PCDH9: variants seen among roughly 807,000 people sequenced by gnomAD.
PCDH9 encodes protocadherin-9.
PCDH9 carries 24 observed loss-of-function variants against 70.6 expected under a neutral mutation model. The observed-to-expected ratio is 0.34, with a 90% CI of 0.25 to 0.48. The LOEUF (loss-of-function observed/expected upper bound fraction) is 0.48, where lower values mean the gene tolerates loss of function less well. Among genes scored for constraint, PCDH9 ranks in the 20% least tolerant of loss-of-function variants. The pLI is 0.99. For missense variants in PCDH9, 1,281 were observed against 1,503.6 expected, an observed-to-expected ratio of 0.85 and a Z score of 2.45; for synonymous variants, 562 against 558.5, an observed-to-expected ratio of 1.01 and a Z score of -0.09.
At chr13:66,754,691 A>G (rs570126644) in intron 3 of PCDH9, among the ~76,000 whole-genome samples, 3 of 152,216 alleles carry the variant, frequency 2.0e-5, no homozygotes, top group African/African-American at 7.2e-5. Flanking sequence ...TGAAACTGGT[A>G]TAAATAGAAA....
intron 4 of PCDH9, among the ~76,000 whole-genome samples, chr13:66,356,668 C>A (rs1296404362): frequency 6.6e-6 from 1 of 152,032 alleles, no homozygotes; most frequent in African/African-American, 2.4e-5. Context: ...AGGACCATCA[C>A]AACAACTGCA....
At chr13:66,527,786 G>A (rs1960278829) in intron 4 of PCDH9, among the ~76,000 whole-genome samples, 1 of 152,162 alleles carries the variant, frequency 6.6e-6, no homozygotes, top group Non-Finnish European at 1.5e-5. Context: ...GGGAGGCCAA[G>A]GCGGGCAGAT....
chr13:67,195,529 T>G (rs1410988810), intron 2 of PCDH9, among the ~76,000 whole-genome samples: 2 of 152,156 alleles, frequency 1.3e-5, no homozygotes, highest in Non-Finnish European at 2.9e-5. Flanking sequence ...ATAAAAATAA[T>G]TCGTTACTCT....
At chr13:66,356,621 CA>C (rs1392990646) in intron 4 of PCDH9, among the ~76,000 whole-genome samples, 1 of 151,862 alleles carries the variant, frequency 6.6e-6, no homozygotes, top group African/African-American at 2.4e-5. Context: ...ACACAAAAGG[CA>C]AGTGAAACAA....
intron 4 of PCDH9, among the ~76,000 whole-genome samples, chr13:66,611,919 G>A (rs186051656): frequency 9.2e-5 from 14 of 152,246 alleles, no homozygotes; most frequent in South Asian, 8.3e-4. Flanking sequence ...TATGTAGCTG[G>A]CAAATAGAAG....
chr13:66,919,159 T>C (rs1206977026), intron 2 of PCDH9, among the ~76,000 whole-genome samples: 2 of 151,284 alleles, frequency 1.3e-5, no homozygotes, highest in Non-Finnish European at 3.0e-5. Flanking sequence ...GGGAACTTCA[T>C]ACAATTCTGT....
intron 3 of PCDH9, among the ~76,000 whole-genome samples, chr13:66,757,587 C>T (rs2079556309): frequency 6.6e-6 from 1 of 151,910 alleles, no homozygotes; most frequent in Non-Finnish European, 1.5e-5. Context: ...ATCTACTTTT[C>T]AGAATGTAGG....
intron 4 of PCDH9, among the ~76,000 whole-genome samples, chr13:66,491,385 T>TTGTGTGTGTGTGTG (rs71106974): frequency 0.083 from 11,298 of 135,968 alleles, 700 homozygotes; most frequent in East Asian, 0.15. Context: ...GCAGGAGATA[T>TTGTGTGTGTGTGTG]TGTGTGTGTG....
In PCDH9 at chr13:66,982,285, T is replaced by C. The variant is rs921836739; in HGVS notation, c.3037-78680A>G. Among the ~76,000 whole-genome samples, 3 of 152,224 alleles carry C rather than the reference T, an allele frequency of 2.0e-5. No homozygotes were observed. In the East Asian group the frequency reaches 5.8e-4, roughly 29 times the overall value. On this transcript the variant is annotated intron_variant, in intron 2 of 4. Transcript: ENST00000377865. Reference sequence around the variant, plus strand: ...GCTTGAGCCAGTTAAACCTCTTTTCTTTATAAATTACCCAGTCTCAGGTAT... The same window carrying C: ...GCTTGAGCCAGTTAAACCTCTTTTCCTTATAAATTACCCAGTCTCAGGTAT...
At chr13:66,673,319 C>T (rs2078202398) in intron 3 of PCDH9, among the ~76,000 whole-genome samples, 1 of 152,156 alleles carries the variant, frequency 6.6e-6, no homozygotes, top group Admixed American at 6.5e-5. Context: ...CGCCTTTGCT[C>T]CTCCTTCGTT....
At chr13:66,832,458 C>G (rs1167601860) in intron 3 of PCDH9, among the ~76,000 whole-genome samples, 1 of 151,794 alleles carries the variant, frequency 6.6e-6, no homozygotes, top group East Asian at 1.9e-4. Flanking sequence ...GACATTTATG[C>G]AAAATCAAAT....
In PCDH9 at chr13:66,532,165, T is replaced by C. The variant is rs1385279127; in HGVS notation, c.3340+99045A>G. Among the ~76,000 whole-genome samples the C allele has an allele frequency of 2.8e-5, 4 of 140,782 alleles. No individual in the cohort carries two copies. The East Asian group carries it at 8.9e-4, about 31-fold the overall frequency. 92.4% of individuals were successfully genotyped at this position (140,782 alleles called of 152,430 possible). Reference sequence around the variant, plus strand: ...ACCACCATGTCCAGCTATTTTTTAGTGGTTTTTTTTTTTTCTTTTGTAGAG... The same window carrying C: ...ACCACCATGTCCAGCTATTTTTTAGCGGTTTTTTTTTTTTCTTTTGTAGAG... On this transcript the variant is annotated intron_variant, in intron 4 of 4. Coordinates refer to ENST00000377865, the MANE Select transcript of PCDH9 (RefSeq NM_203487.3).
At chr13:67,047,023 C>A (rs765875260) in intron 2 of PCDH9, among the ~76,000 whole-genome samples, 2 of 152,008 alleles carry the variant, frequency 1.3e-5, no homozygotes, top group Non-Finnish European at 1.5e-5. Flanking sequence ...GCCATTATGC[C>A]TGCATAGTAA....
intron 4 of PCDH9, among the ~76,000 whole-genome samples, chr13:66,428,183 A>G (rs1417970810): frequency 1.3e-5 from 2 of 151,754 alleles, no homozygotes; most frequent in Non-Finnish European, 3.0e-5. Context: ...TCAGTTTTCT[A>G]TAAATCTTTT....
At chr13:66,396,653 T>C (rs1393689161) in intron 4 of PCDH9, among the ~76,000 whole-genome samples, 1 of 152,130 alleles carries the variant, frequency 6.6e-6, no homozygotes, top group African/African-American at 2.4e-5. Flanking sequence ...CAGTGGGACA[T>C]GGGATATAGT....
chr13:67,214,695 AT>A (rs1295358082), intron 2 of PCDH9: 1 of 151,946 alleles, frequency 6.6e-6, no homozygotes, highest in Admixed American at 6.6e-5. Flanking sequence ...ATGAAGATCA[AT>A]TTTCCAAAAG....
intron 4 of PCDH9, among the ~76,000 whole-genome samples, chr13:66,372,047 T>A (rs1293284911): frequency 6.6e-6 from 1 of 152,060 alleles, no homozygotes; most frequent in Non-Finnish European, 1.5e-5. Context: ...TTAATACTTA[T>A]GTTAATTTAT....
intron 2 of PCDH9, among the ~76,000 whole-genome samples, chr13:66,943,048 A>T (rs2083030853): frequency 6.6e-6 from 1 of 152,024 alleles, no homozygotes; most frequent in Admixed American, 6.6e-5. Flanking sequence ...GAGCATTATG[A>T]CTCATTTACT....
At chr13:66,661,090 T>G (rs1233120370) in intron 3 of PCDH9, among the ~76,000 whole-genome samples, 1 of 152,246 alleles carries the variant, frequency 6.6e-6, no homozygotes, top group African/African-American at 2.4e-5. Context: ...TCCCATTTTA[T>G]TTTCTTTTTA....
Sources: allele counts gnomAD v4.1 joint callset (sites outside exome capture counted in the v4.1 genomes callset), GRCh38; gene constraint gnomAD v4.1.1; transcripts MANE v1.5; gene names NCBI Gene and HGNC (gene_info 2026-07-23, HGNC 2026-07-21).